JAK1: variants seen among roughly 807,000 people sequenced by gnomAD.
JAK1 encodes Janus kinase 1, also known as tyrosine-protein kinase JAK1.
In JAK1, 16 loss-of-function variants were observed where a neutral mutation model predicts 136.6. The ratio of observed to expected loss-of-function variants is 0.12; its 90% CI spans 0.08 to 0.18. The LOEUF (loss-of-function observed/expected upper bound fraction) is 0.18, where lower values mean the gene tolerates loss of function less well. Ranked by LOEUF, JAK1 falls within the 10% of genes least tolerant of loss-of-function variation. The pLI, the probability that JAK1 is intolerant of heterozygous loss-of-function variation, is 1.00. For missense variants in JAK1, 859 were observed against 1,450.1 expected (o/e 0.59, Z 6.62); for synonymous variants, 492 against 519.5 (o/e 0.95, Z 0.72).
At chr1:64,915,580 A>G (rs1200608233) in intron 1 of JAK1, among the ~76,000 whole-genome samples, 3 of 152,206 alleles carry the variant, frequency 2.0e-5, no homozygotes, top group Non-Finnish European at 2.9e-5. Context: ...ATGGTCCACA[A>G]TAATGGAAAC....
chr1:64,853,526 A>G (rs1487745981), intron 11 of JAK1, among the ~76,000 whole-genome samples: 5 of 152,166 alleles, frequency 3.3e-5, no homozygotes, highest in Admixed American at 6.5e-5. Context: ...TCTCCAAACA[A>G]CGCCTGGCAA....
intron 1 of JAK1, among the ~76,000 whole-genome samples, chr1:64,934,586 T>C (rs1645756110): frequency 6.6e-6 from 1 of 152,200 alleles, no homozygotes; most frequent in Non-Finnish European, 1.5e-5. Context: ...CCCCTCAACC[T>C]TGACTGTTCC....
At chr1:65,049,589 ATAT>A (rs1647229766) in intron 1 of JAK1, among the ~76,000 whole-genome samples, 2 of 152,272 alleles carry the variant, frequency 1.3e-5, no homozygotes, top group South Asian at 4.1e-4. Flanking sequence ...GATACCATCC[ATAT>A]TCTAACTCAC....
chr1:64,852,090 C>A (rs1655636022), intron 11 of JAK1, among the ~76,000 whole-genome samples: 1 of 152,060 alleles, frequency 6.6e-6, no homozygotes, highest in African/African-American at 2.4e-5. Flanking sequence ...ACAGGGCATT[C>A]TTTTCCTTTC....
At chr1:65,025,884 G>A (rs1359924247) in intron 2 of JAK1, among the ~76,000 whole-genome samples, 2 of 151,930 alleles carry the variant, frequency 1.3e-5, no homozygotes, top group Non-Finnish European at 2.9e-5. Flanking sequence ...TTGCCATGTT[G>A]CCCAGGCTAC....
In JAK1 at chr1:64,869,359, T is replaced by C. The variant is rs777751808; in HGVS notation, c.599A>G (p.Tyr200Cys). The change falls in exon 6 of 25, where the codon TAT becomes TGT. Residue 200 changes from tyrosine to cysteine, a missense_variant. Tyr to Cys is a radical substitution (Grantham distance 194). Coordinates refer to ENST00000342505, the MANE Select transcript of JAK1 (RefSeq NM_002227.4). ...CAACTGCATCTTCTTCATCATGGCA[T>C]AGTGTGAGATGGCCAGGACAGCCAT... ...LGMAVLAISHYAMMKKMQLPE... is the reference protein window; with the variant it reads ...LGMAVLAISHCAMMKKMQLPE... 2 of 1,614,094 alleles carry C rather than the reference T, an allele frequency of 1.2e-6. No individual in the cohort carries two copies. The highest frequency in any genetic ancestry group is 1.7e-6 in the Non-Finnish European group (2 of 1,179,964).
At position 64,844,346 on chromosome 1, in the gene JAK1, G is replaced by T; in HGVS notation, c.2252-131C>A. 1 of 1,188,070 alleles carries T rather than the reference G, an allele frequency of 8.4e-7. No individual in the cohort carries two copies. Among genetic ancestry groups the T allele is most frequent in the Non-Finnish European group, 1.2e-6 (1 of 814,378 alleles). 73.6% of individuals were successfully genotyped at this position (1,188,070 alleles called of 1,614,324 possible). A position where few individuals can be genotyped will look rare whatever the true frequency, so the allele number is the denominator to read the frequency against. ...GCAGTGTGCCCAAACATGGCCCATG[G>T]CCACATAGGCCCTGTGCGGGGGGCC... On this transcript the variant is annotated intron_variant, in intron 16 of 24. Transcript: ENST00000342505. The surrounding 1 kb of genome is among the most constrained non-coding windows in gnomAD (Gnocchi z 5.7).
At chr1:64,921,044 G>C (rs1645485859) in intron 1 of JAK1, among the ~76,000 whole-genome samples, 1 of 152,146 alleles carries the variant, frequency 6.6e-6, no homozygotes, top group Non-Finnish European at 1.5e-5. Context: ...AACTGCTAAA[G>C]CCAAGGAAAA....
chr1:65,020,098 G>A (rs552362), intron 2 of JAK1, among the ~76,000 whole-genome samples: 31,791 of 149,184 alleles, frequency 0.21, 4,446 homozygotes, highest in African/African-American at 0.38. Flanking sequence ...GCTGGTGCAT[G>A]CCTGTAATCC....
chr1:65,048,089 T>A (rs1226665649), intron 1 of JAK1, among the ~76,000 whole-genome samples: 2 of 152,174 alleles, frequency 1.3e-5, no homozygotes, highest in Non-Finnish European at 2.9e-5. Context: ...GAGTAGATCC[T>A]GATGTTGTTT....
rs1370791451 is a variant in JAK1, at chr1:64,883,353, C to T, written c.129G>A (p.Ser43=). Residue 43 remains serine (S), a synonymous_variant, in exon 3 of 25, where the codon TCG becomes TCA. Coordinates refer to ENST00000342505, the MANE Select transcript of JAK1 (RefSeq NM_002227.4). ...TGCCCAGCCGGAGGGGCTCCCTGTC[C>T]GACAGATAGAAGATCACTTCCACCC... is the stretch of plus-strand genomic sequence containing the variant. ...EPGVEVIFYL[S]DREPLRLGSG... The T allele has an allele frequency of 9.3e-6, 15 of 1,614,012 alleles. No homozygotes were observed. Among genetic ancestry groups the T allele is most frequent in the East Asian group, 2.2e-5 (1 of 44,882 alleles).
In JAK1 at chr1:65,013,328, G is replaced by A. The variant is rs190696941; in HGVS notation, c.-78+31152C>T. 6.6e-5 allele frequency among the ~76,000 whole-genome samples: 10 copies of A among 151,268 alleles called. No individual in the cohort carries two copies. The South Asian group carries it at 1.5e-3, about 22-fold the overall frequency. ...AGGAGAATCACATGAATCAGGAGGC[G>A]GAGGTTGCGGTGAGCCAAGATCATG... is the stretch of plus-strand genomic sequence containing the variant. On this transcript the variant is annotated intron_variant, in intron 2 of 25. Transcript: ENST00000671954.
intron 2 of JAK1, among the ~76,000 whole-genome samples, chr1:65,000,016 G>A (rs1345203703): frequency 6.7e-6 from 1 of 149,784 alleles, no homozygotes; most frequent in African/African-American, 2.5e-5. Context: ...TTTTAAGATG[G>A]AGTCTCACTC....
rs1413054915 is a variant in JAK1 at position 64,867,019 on chromosome 1, T to C, written c.837A>G (p.Lys279=). The change falls in exon 7 of 25, where the codon AAA becomes AAG. Residue 279 remains lysine (K), a synonymous_variant. Coordinates refer to ENST00000342505, the MANE Select transcript of JAK1 (RefSeq NM_002227.4). ...KYLATLETLT[K]HYGAEIFETS... ...TCTCAAATATTTCAGCACCGTAATG[T>C]TTTGTCAAAGTTTCCAAGGTAGCCA... 6.2e-7 allele frequency: 1 copy of C among 1,614,244 alleles called. No individual in the cohort carries two copies. Among genetic ancestry groups the C allele is most frequent in the South Asian group, 1.1e-5 (1 of 91,086 alleles).
chr1:64,982,754 G>T (rs1646560228), intron 2 of JAK1, among the ~76,000 whole-genome samples: 1 of 149,476 alleles, frequency 6.7e-6, no homozygotes, highest in Admixed American at 6.8e-5. Context: ...AAATGGGAGT[G>T]ATAATATTTT....
rs573165812 is a variant in JAK1 at position 64,984,455 on chromosome 1, T to C, written c.-78+60025A>G. Among the ~76,000 whole-genome samples, 2 of 152,264 alleles carry C rather than the reference T, an allele frequency of 1.3e-5. No homozygotes were observed. The highest frequency in any genetic ancestry group is 3.9e-4 in the East Asian group (2 of 5,180). The stretch of plus-strand genomic sequence containing the variant: ...AAGAAATGAAATATTTTAAAAGCCA[T>C]TGAAAATTCAACAAGCTCCAGTCTT... On this transcript the variant is annotated intron_variant, in intron 2 of 25. Coordinates refer to the JAK1 transcript ENST00000671954. This position sits in a 1 kb window ranked among gnomAD's most constrained non-coding sequence, Gnocchi z 4.1.
intron 2 of JAK1, among the ~76,000 whole-genome samples, chr1:64,885,256 C>T (rs1301134640): frequency 6.6e-6 from 1 of 152,194 alleles, no homozygotes; most frequent in East Asian, 1.9e-4. Context: ...GAACCCCTAA[C>T]CCCATCCCAC....
At chr1:65,022,422 G>A (rs2100795106) in intron 2 of JAK1, among the ~76,000 whole-genome samples, 1 of 152,212 alleles carries the variant, frequency 6.6e-6, no homozygotes, top group South Asian at 2.1e-4. Context: ...ATAGGGATTG[G>A]AGGGCTCATG....
At chr1:65,065,921 G>A (rs1328816231) in intron 1 of JAK1, among the ~76,000 whole-genome samples, 2 of 149,700 alleles carry the variant, frequency 1.3e-5, no homozygotes, top group African/African-American at 5.0e-5. Context: ...TTTGCTGGTT[G>A]GTGGGGGACA....
Sources: gnomAD v4.1 joint callset for allele counts (sites outside exome capture counted in the v4.1 genomes callset) on GRCh38, gnomAD v4.1.1 for gene constraint, Gnocchi (gnomAD v3.1) non-coding constraint, MANE v1.5 for transcripts, NCBI Gene and HGNC (gene_info 2026-07-23, HGNC 2026-07-21) for gene names.